NRG3: variants seen among roughly 807,000 people sequenced by gnomAD.
NRG3 encodes the protein pro-neuregulin-3, membrane-bound isoform.
A neutral mutation model predicts 66.9 loss-of-function variants in NRG3; 31 were observed. That is an observed-to-expected ratio of 0.46 (90% CI 0.35 to 0.63). NRG3 has a LOEUF of 0.63. Among genes scored for constraint, NRG3 ranks in the 20% least tolerant of loss-of-function variants. The probability of loss-of-function intolerance (pLI) is 0.00; values close to 1 mark genes in which losing one functional copy is unlikely to be tolerated. For missense variants in NRG3, 910 were observed against 878.9 expected (o/e 1.04, Z -0.45); for synonymous variants, 393 against 359.4 (o/e 1.09, Z -1.06).
At chr10:82,160,044 GT>G (rs2071470629) in intron 1 of NRG3, among the ~76,000 whole-genome samples, 2 of 151,792 alleles carry the variant, frequency 1.3e-5, no homozygotes, top group African/African-American at 4.8e-5. Flanking sequence ...TTGTTTGTTT[GT>G]TTTAGTGGAT....
At chr10:81,950,107 G>A (rs936879666) in intron 1 of NRG3, among the ~76,000 whole-genome samples, 1 of 152,132 alleles carries the variant, frequency 6.6e-6, no homozygotes, top group African/African-American at 2.4e-5. Flanking sequence ...AAGTTTCTGG[G>A]AGCCATACAG....
intron 2 of NRG3, among the ~76,000 whole-genome samples, chr10:82,663,994 A>G (rs892913787): frequency 6.6e-5 from 10 of 152,212 alleles, no homozygotes; most frequent in Non-Finnish European, 1.5e-4. Flanking sequence ...CAGCCTTATT[A>G]TGCTGACCCA....
intron 2 of NRG3, among the ~76,000 whole-genome samples, chr10:82,432,805 T>C (rs956259537): frequency 4.6e-5 from 7 of 152,220 alleles, no homozygotes; most frequent in African/African-American, 1.7e-4. Flanking sequence ...TCATTCCTTT[T>C]TATGGCAGTA....
intron 2 of NRG3, among the ~76,000 whole-genome samples, chr10:82,631,365 T>G (rs1590945158): frequency 6.6e-6 from 1 of 152,208 alleles, no homozygotes; most frequent in African/African-American, 2.4e-5. Context: ...TAGAAGATTC[T>G]GGGCTGCTGC....
At chr10:82,326,573 T>G (rs1020693065) in intron 1 of NRG3, among the ~76,000 whole-genome samples, 1 of 152,202 alleles carries the variant, frequency 6.6e-6, no homozygotes, top group African/African-American at 2.4e-5. Context: ...CATACTTCAC[T>G]GATGCTCATT....
chr10:82,490,369 TC>T (rs1842994985), intron 2 of NRG3, among the ~76,000 whole-genome samples: 1 of 152,188 alleles, frequency 6.6e-6, no homozygotes, highest in South Asian at 2.1e-4. Context: ...TCTTGGGTGA[TC>T]TATCAGCAAG....
chr10:82,706,703 T>C (rs1208608247), intron 2 of NRG3, among the ~76,000 whole-genome samples: 2 of 152,126 alleles, frequency 1.3e-5, no homozygotes, highest in East Asian at 1.9e-4. Flanking sequence ...AAAAGAAATA[T>C]AAATTTGAGG....
intron 1 of NRG3, among the ~76,000 whole-genome samples, chr10:81,902,281 G>C (rs1844151516): frequency 1.3e-5 from 2 of 152,106 alleles, no homozygotes; most frequent in South Asian, 4.2e-4. Flanking sequence ...CAAGAGTTGG[G>C]AAAAGTGGTT....
At chr10:82,128,651 G>A (rs1354381324) in intron 1 of NRG3, among the ~76,000 whole-genome samples, 2 of 151,960 alleles carry the variant, frequency 1.3e-5, no homozygotes, top group Admixed American at 1.3e-4. Context: ...TAACCTTTGA[G>A]TCATGGATTG....
chr10:82,132,496 TATATATATC>T (rs763569936), intron 1 of NRG3, among the ~76,000 whole-genome samples: 2,598 of 50,104 alleles, frequency 0.052, 359 homozygotes, highest in Middle Eastern at 0.13. Context: ...ATATATGATA[TATATATATC>T]ATATATATAT....
intron 4 of NRG3, among the ~76,000 whole-genome samples, chr10:82,900,569 CTT>C (rs1344368187): frequency 1.3e-5 from 2 of 152,024 alleles, no homozygotes; most frequent in Non-Finnish European, 1.5e-5. Flanking sequence ...ACTAATAAAA[CTT>C]ATTATTGAGA....
At position 82,804,347 on chromosome 10, in the gene NRG3, A is replaced by T. The variant is rs1191135269; in HGVS notation, c.1028-61064A>T. Among the ~76,000 whole-genome samples the T allele has an allele frequency of 2.0e-5, 3 of 152,226 alleles. 1 individual carries two copies. Among genetic ancestry groups the T allele is most frequent in the Non-Finnish European group, 4.4e-5 (3 of 68,050 alleles). On this transcript the variant is annotated intron_variant, in intron 3 of 8. Coordinates refer to ENST00000372141, the MANE Select transcript of NRG3 (RefSeq NM_001010848.4). ...ATGCTAATTTTGCTGTCACACATCA[A>T]GCTGCAAAGGTTTTGGCTACAATGC...
chr10:81,927,490 TATTA>T (rs1263938881), intron 1 of NRG3, among the ~76,000 whole-genome samples: 1 of 152,216 alleles, frequency 6.6e-6, no homozygotes, highest in Non-Finnish European at 1.5e-5. Context: ...TTTGGGTTGC[TATTA>T]ATTAATGAGA....
chr10:82,838,622 A>T (rs1023284807), intron 3 of NRG3, among the ~76,000 whole-genome samples: 3 of 151,588 alleles, frequency 2.0e-5, no homozygotes, highest in Admixed American at 6.6e-5. Context: ...CTTTATATGA[A>T]TTTTTTTAAA....
chr10:82,435,565 C>A (rs950128473), intron 2 of NRG3, among the ~76,000 whole-genome samples: 1 of 152,066 alleles, frequency 6.6e-6, no homozygotes, highest in African/African-American at 2.4e-5. Context: ...ATCTTCCTAG[C>A]TTTCTAATAT....
intron 1 of NRG3, among the ~76,000 whole-genome samples, chr10:81,891,120 T>C (rs1056152825): frequency 2.6e-5 from 4 of 152,238 alleles, no homozygotes; most frequent in Non-Finnish European, 5.9e-5. Context: ...CAATTATCAG[T>C]AACGTGCAAT....
At chr10:82,080,617 T>G (rs762015300) in intron 1 of NRG3, among the ~76,000 whole-genome samples, 1 of 152,154 alleles carries the variant, frequency 6.6e-6, no homozygotes, top group Non-Finnish European at 1.5e-5. Flanking sequence ...TAACTAAGTT[T>G]CAAAGGAAGC....
chr10:82,236,177 G>A (rs4933833), intron 1 of NRG3, among the ~76,000 whole-genome samples: 92 of 152,246 alleles, frequency 6.0e-4, no homozygotes, highest in Admixed American at 1.3e-3. Flanking sequence ...TACAAAAGAT[G>A]ACCTTTAATT....
At chr10:82,290,209 A>G (rs2079645738) in intron 1 of NRG3, among the ~76,000 whole-genome samples, 1 of 152,152 alleles carries the variant, frequency 6.6e-6, no homozygotes, top group Non-Finnish European at 1.5e-5. Flanking sequence ...GGCTGTTCTC[A>G]TAAGTCGTTA....
Sources: allele counts gnomAD v4.1 joint callset (sites outside exome capture counted in the v4.1 genomes callset), GRCh38; gene constraint gnomAD v4.1.1; transcripts MANE v1.5; gene names NCBI Gene and HGNC (gene_info 2026-07-23, HGNC 2026-07-21).